The following CTNNA2 variants were observed in gnomAD, a reference collection of about 807,000 sequenced individuals.
The protein encoded by CTNNA2 is catenin alpha 2.
In CTNNA2, 42 loss-of-function variants were observed where a neutral mutation model predicts 101.0. The observed-to-expected ratio is 0.42, with a 90% CI of 0.32 to 0.54. CTNNA2 has a LOEUF of 0.54. Among genes scored for constraint, CTNNA2 ranks in the 20% least tolerant of loss-of-function variants. The probability of loss-of-function intolerance (pLI) is 0.14; values close to 1 mark genes in which losing one functional copy is unlikely to be tolerated. For missense variants in CTNNA2, 871 were observed against 1,223.1 expected, an observed-to-expected ratio of 0.71 and a Z score of 4.29; for synonymous variants, 450 against 456.4, an observed-to-expected ratio of 0.99 and a Z score of 0.18.
At chr2:80,387,375 A>T (rs529678501) in intron 7 of CTNNA2, among the ~76,000 whole-genome samples, 2 of 152,248 alleles carry the variant, frequency 1.3e-5, no homozygotes, top group South Asian at 4.2e-4. Context: ...AGTCAGTATC[A>T]GTTGTGTATT....
chr2:79,241,115 C>T (rs892554535), intron 2 of CTNNA2, among the ~76,000 whole-genome samples: 1 of 152,190 alleles, frequency 6.6e-6, no homozygotes, highest in African/African-American at 2.4e-5. Context: ...GTAAACTAAT[C>T]TCATAGAAAA....
At chr2:80,226,859 T>C (rs947444526) in intron 7 of CTNNA2, among the ~76,000 whole-genome samples, 2 of 152,098 alleles carry the variant, frequency 1.3e-5, no homozygotes, top group African/African-American at 4.8e-5. Context: ...CCAGCTCATC[T>C]CCAGGATGCA....
intron 7 of CTNNA2, among the ~76,000 whole-genome samples, chr2:79,960,374 C>T (rs1689547521): frequency 1.3e-5 from 2 of 152,168 alleles, no homozygotes; most frequent in South Asian, 4.1e-4. Context: ...TATAGAAGCC[C>T]TCTAATTTTC....
At chr2:80,318,916 A>G (rs1678401552) in intron 7 of CTNNA2, among the ~76,000 whole-genome samples, 1 of 152,184 alleles carries the variant, frequency 6.6e-6, no homozygotes, top group African/African-American at 2.4e-5. Flanking sequence ...CAACATTGGC[A>G]GTATCAGAAT....
intron 7 of CTNNA2, among the ~76,000 whole-genome samples, chr2:80,306,417 T>TTTC (rs1676993893): frequency 1.4e-5 from 2 of 142,372 alleles, no homozygotes; most frequent in African/African-American, 5.2e-5. Flanking sequence ...TCTTTCTTTC[T>TTTC]TTCTTTCTTT....
chr2:79,606,361 G>A (rs1573461196), intron 1 of CTNNA2, among the ~76,000 whole-genome samples: 2 of 152,078 alleles, frequency 1.3e-5, no homozygotes, highest in South Asian at 2.1e-4. Context: ...TCTGCCTCCC[G>A]AGTTCATGCC....
chr2:80,550,581 T>C (rs1376675029), intron 11 of CTNNA2, among the ~76,000 whole-genome samples: 1 of 152,248 alleles, frequency 6.6e-6, no homozygotes, highest in Non-Finnish European at 1.5e-5. Context: ...TTTTAAATCC[T>C]TTGTTGTCAT....
intron 2 of CTNNA2, among the ~76,000 whole-genome samples, chr2:79,667,883 G>A (rs1682534158): frequency 6.6e-6 from 1 of 152,174 alleles, no homozygotes; most frequent in South Asian, 2.1e-4. Flanking sequence ...TTAATGCATG[G>A]TTTGTAGTAT....
chr2:80,009,293 C>T (rs1670453681), intron 7 of CTNNA2, among the ~76,000 whole-genome samples: 1 of 152,190 alleles, frequency 6.6e-6, no homozygotes, highest in Non-Finnish European at 1.5e-5. Context: ...CTGAGAACTG[C>T]AGCCTTCTGT....
intron 1 of CTNNA2, among the ~76,000 whole-genome samples, chr2:79,591,566 T>C (rs1404763209): frequency 2.0e-5 from 3 of 152,224 alleles, no homozygotes; most frequent in African/African-American, 7.2e-5. Context: ...TATGTATTTC[T>C]TACATGGAGT....
At chr2:79,856,887 A>G (rs1180993184) in intron 3 of CTNNA2, among the ~76,000 whole-genome samples, 4 of 152,104 alleles carry the variant, frequency 2.6e-5, no homozygotes, top group African/African-American at 9.7e-5. Flanking sequence ...CATTTACCCT[A>G]TTAACTGACT....
At chr2:79,208,921 G>A (rs939177292) in intron 2 of CTNNA2, among the ~76,000 whole-genome samples, 1 of 152,138 alleles carries the variant, frequency 6.6e-6, no homozygotes, top group African/African-American at 2.4e-5. Flanking sequence ...ATATGTGGTA[G>A]AAACACCCTC....
intron 7 of CTNNA2, among the ~76,000 whole-genome samples, chr2:80,391,522 G>T (rs984882817): frequency 1.3e-5 from 2 of 152,134 alleles, no homozygotes. Context: ...AAATGAATAG[G>T]CCACAGGAAA....
intron 7 of CTNNA2, among the ~76,000 whole-genome samples, chr2:80,308,063 C>G (rs1246241622): frequency 6.6e-6 from 1 of 152,040 alleles, no homozygotes; most frequent in Non-Finnish European, 1.5e-5. Context: ...AATTCCTTCT[C>G]TCTTCAACCT....
intron 2 of CTNNA2, among the ~76,000 whole-genome samples, chr2:79,670,646 A>G (rs1054189707): frequency 3.3e-5 from 5 of 152,154 alleles, no homozygotes; most frequent in African/African-American, 1.2e-4. Flanking sequence ...TTTCTTCTAT[A>G]TCTCCATAAT....
intron 2 of CTNNA2, chr2:79,293,366 G>T (rs1285452911): frequency 6.6e-6 from 1 of 152,250 alleles, no homozygotes; most frequent in East Asian, 1.9e-4. Context: ...TTCTGTGGGT[G>T]TTTTCATTCA....
intron 9 of CTNNA2, among the ~76,000 whole-genome samples, chr2:80,447,222 G>A (rs1439196774): frequency 6.6e-6 from 1 of 152,152 alleles, no homozygotes; most frequent in Non-Finnish European, 1.5e-5. Flanking sequence ...CTCTGATGTA[G>A]TTTTTCTGCT....
rs574431063 is a variant in CTNNA2, at chr2:79,646,202, C to T, written c.-5-5350C>T. Among the ~76,000 whole-genome samples the T allele has an allele frequency of 1.1e-4, 16 of 152,270 alleles. No individual in the cohort carries two copies. The South Asian group carries it at 2.7e-3, about 26-fold the overall frequency. On this transcript the variant is annotated intron_variant, in intron 1 of 18. Coordinates refer to ENST00000402739, the MANE Select transcript of CTNNA2 (RefSeq NM_001282597.3). Reference sequence around the variant, plus strand: ...TGAAAAGGAGAATTTCTGCAGTGAACGATGCATTGTATTAACATATCTGGC... The same window carrying T: ...TGAAAAGGAGAATTTCTGCAGTGAATGATGCATTGTATTAACATATCTGGC...
chr2:80,221,044 G>C (rs1202694830), intron 7 of CTNNA2, among the ~76,000 whole-genome samples: 1 of 152,074 alleles, frequency 6.6e-6, no homozygotes, highest in Non-Finnish European at 1.5e-5. Flanking sequence ...AAGCATGCCG[G>C]GCTAATTTTG....
Sources: allele counts gnomAD v4.1 joint callset (sites outside exome capture counted in the v4.1 genomes callset), GRCh38; gene constraint gnomAD v4.1.1; transcripts MANE v1.5; gene names NCBI Gene and HGNC (gene_info 2026-07-23, HGNC 2026-07-21).